CA1: variants seen among roughly 807,000 people sequenced by gnomAD.
CA1 encodes the protein carbonic anhydrase 1, also known as carbonate dehydratase I.
CA1 carries 27 observed loss-of-function variants against 28.8 expected under a neutral mutation model. The ratio of observed to expected loss-of-function variants is 0.94; its 90% CI spans 0.69 to 1.29. The LOEUF (loss-of-function observed/expected upper bound fraction) is 1.29. CA1 is among the 50% of genes most tolerant of loss of function. The pLI, the probability that CA1 is intolerant of heterozygous loss-of-function variation, is 0.00. For synonymous variants in CA1, 121 were observed against 108.8 expected, an observed-to-expected ratio of 1.11 and a Z score of -0.70; for missense variants, 335 against 310.5, an observed-to-expected ratio of 1.08 and a Z score of -0.59.
At chr8:85,361,056 A>C (rs540562621) in intron 1 of CA1, among the ~76,000 whole-genome samples, 1 of 152,240 alleles carries the variant, frequency 6.6e-6, no homozygotes, top group African/African-American at 2.4e-5. Context: ...AAAACTCCCC[A>C]AAACTGAGAA....
At chr8:85,354,095 C>G (rs994372430) in intron 1 of CA1, among the ~76,000 whole-genome samples, 16 of 151,398 alleles carry the variant, frequency 1.1e-4, no homozygotes, top group South Asian at 2.1e-4. Flanking sequence ...TCCCGAGTAG[C>G]TGGGATTACA....
intron 1 of CA1, among the ~76,000 whole-genome samples, chr8:85,362,316 G>A (rs765338380): frequency 2.0e-5 from 3 of 152,172 alleles, no homozygotes; most frequent in Non-Finnish European, 4.4e-5. Flanking sequence ...AATCACATCT[G>A]TGAAGTCCCT....
chr8:85,352,540 A>G (rs187750365), intron 1 of CA1, among the ~76,000 whole-genome samples: 15 of 152,070 alleles, frequency 9.9e-5, no homozygotes, highest in East Asian at 5.8e-4. Context: ...CAGTTTTCCA[A>G]TCTAGACTGT....
chr8:85,332,299 A>T, intron 6 of CA1, 191 bp downstream of exon 6: 1 of 570,554 alleles, frequency 1.8e-6, no homozygotes, highest in Non-Finnish European at 3.2e-6. Flanking sequence ...TATGAAAAAC[A>T]GAAAACCAAA....
At position 85,327,829 on chromosome 8, in the gene CA1, T is replaced by G. The variant is rs1808238559; in HGVS notation, c.*731A>C. ...CTTCTTTAGCATTTTTATAAACCAT[T>G]CACTTGTGACTTTTCTTCCAATTTT... On this transcript the variant is annotated 3_prime_UTR_variant, in exon 8 of 8. Transcript: ENST00000523022. 2 of 152,196 alleles carry G rather than the reference T, an allele frequency of 1.3e-5. No homozygotes were observed. Among genetic ancestry groups the G allele is most frequent in the Non-Finnish European group, 2.9e-5 (2 of 68,028 alleles). 9.4% of individuals were successfully genotyped at this position (152,196 alleles called of 1,614,324 possible). A position where few individuals can be genotyped will look rare whatever the true frequency, so the allele number is the denominator to read the frequency against.
chr8:85,327,641 A>T lies in CA1; in HGVS notation c.*919T>A, dbSNP rs552807760. 1 of 152,308 alleles carries T rather than the reference A, an allele frequency of 6.6e-6. No homozygotes were observed. The highest frequency in any genetic ancestry group is 2.1e-4 in the South Asian group (1 of 4,806). The allele number at this position is 152,308 out of a possible 1,614,324, so 9.4% of individuals were successfully genotyped here. ...ACTCCACCCTGACTGGCAGAGTGAG[A>T]CCTTGTCTCAAAAAACAAACAAACA... On this transcript the variant is annotated 3_prime_UTR_variant, in exon 8 of 8. Coordinates refer to ENST00000523022, the MANE Select transcript of CA1 (RefSeq NM_001128831.4).
At chr8:85,376,656 CAAAA>C (rs1187094771) in intron 1 of CA1, among the ~76,000 whole-genome samples, 2 of 120,262 alleles carry the variant, frequency 1.7e-5, no homozygotes, top group Admixed American at 8.8e-5. Context: ...GAAATTGTCT[CAAAA>C]ATAAATAAAT....
At chr8:85,338,817 G>A (rs572108950) in intron 2 of CA1, among the ~76,000 whole-genome samples, 18 of 149,686 alleles carry the variant, frequency 1.2e-4, no homozygotes, top group South Asian at 4.3e-4. Context: ...AAGCTCAAGC[G>A]ATTCTCATGC....
intron 1 of CA1, among the ~76,000 whole-genome samples, chr8:85,343,519 C>T (rs963239189): frequency 6.6e-6 from 1 of 152,176 alleles, no homozygotes; most frequent in Non-Finnish European, 1.5e-5. Flanking sequence ...GCTTACTTCA[C>T]TCCGGAAGCT....
chr8:85,372,205 A>T (rs13270905), intron 1 of CA1, among the ~76,000 whole-genome samples: 1 of 152,188 alleles, frequency 6.6e-6, no homozygotes, highest in Non-Finnish European at 1.5e-5. Context: ...AGACGCGAGC[A>T]CAGAGAAGAC....
intron 1 of CA1, among the ~76,000 whole-genome samples, chr8:85,345,482 A>G (rs1809141201): frequency 6.6e-6 from 1 of 152,188 alleles, no homozygotes; most frequent in South Asian, 2.1e-4. Context: ...TGGCATCTCT[A>G]TGATATGATA....
intron 1 of CA1, among the ~76,000 whole-genome samples, chr8:85,361,177 C>A (rs762590591): frequency 2.0e-5 from 3 of 152,156 alleles, no homozygotes; most frequent in Non-Finnish European, 2.9e-5. Context: ...TCTGCTCAGA[C>A]ACTCTCAAGG....
chr8:85,341,858 A>G, intron 1 of CA1, 199 bp from the exon 2 acceptor site: 1 of 473,494 alleles, frequency 2.1e-6, no homozygotes, highest in Non-Finnish European at 3.7e-6. Flanking sequence ...GTTAGTTTCA[A>G]TTGCTTAATT....
chr8:85,338,877 C>A (rs2130195093), intron 2 of CA1, among the ~76,000 whole-genome samples: 1 of 151,844 alleles, frequency 6.6e-6, no homozygotes, highest in East Asian at 1.9e-4. Flanking sequence ...CCATGCCTGG[C>A]CAATTTTTTT....
At chr8:85,364,966 C>T (rs777333407) in intron 1 of CA1, among the ~76,000 whole-genome samples, 3 of 151,964 alleles carry the variant, frequency 2.0e-5, no homozygotes, top group African/African-American at 4.8e-5. Context: ...CAACAGCTGC[C>T]GCTTGGCTCT....
At chr8:85,365,695 T>C (rs1230904999) in intron 1 of CA1, among the ~76,000 whole-genome samples, 1 of 152,196 alleles carries the variant, frequency 6.6e-6, no homozygotes, top group Non-Finnish European at 1.5e-5. Context: ...TAGCCTGGGC[T>C]TGTTAATTTA....
chr8:85,328,519 G>A lies in CA1; in HGVS notation c.*41C>T. The A allele has an allele frequency of 9.8e-7, 1 of 1,020,176 alleles. No homozygotes were observed. The highest frequency in any genetic ancestry group is 1.6e-6 in the Non-Finnish European group (1 of 639,956). The allele number at this position is 1,020,176 out of a possible 1,614,324, so 63.2% of individuals were successfully genotyped here. On this transcript the variant is annotated 3_prime_UTR_variant, in exon 8 of 8. Transcript: ENST00000523022. ...TTTTACTGGATTATGTCAGAAGCAG[G>A]GCTGTGTTCTTGAGGAAGGACAAGT...
At position 85,328,683 on chromosome 8, in the gene CA1, G is replaced by A. The variant is rs1585908811; in HGVS notation, c.670-7C>T. 2 of 1,549,858 alleles carry A rather than the reference G, an allele frequency of 1.3e-6. No homozygotes were observed. The highest frequency in any genetic ancestry group is 1.7e-5 in the Admixed American group (1 of 59,550). On this transcript the variant is annotated splice_region_variant and splice_polypyrimidine_tract_variant and intron_variant, in intron 7 of 7. Transcript: ENST00000523022. ...GGCTGCGGAATTGTGCCAGCTAGAA[G>A]GATAAAATATTTTAAAAATAAAAAG... is the stretch of plus-strand genomic sequence containing the variant.
Position 85,372,546 on chromosome 8 carries a change from A to G in CA1, c.-25+5500T>C, listed in dbSNP as rs145470914. On this transcript the variant is annotated intron_variant, in intron 1 of 7. Transcript: ENST00000523022. ...TGTATTCATAGCAGTGTTATTCACAATATTCCAAAGGTGGAAACAAACCCA... is the reference window on the plus strand; with the variant it reads ...TGTATTCATAGCAGTGTTATTCACAGTATTCCAAAGGTGGAAACAAACCCA... Among the ~76,000 whole-genome samples the G allele has an allele frequency of 4.4e-3, 677 of 152,290 alleles. 6 individuals are homozygous for G. Among genetic ancestry groups the G allele is most frequent in the African/African-American group, 0.015 (638 of 41,562 alleles).
Sources: gnomAD v4.1 joint callset for allele counts (sites outside exome capture counted in the v4.1 genomes callset) on GRCh38, gnomAD v4.1.1 for gene constraint, MANE v1.5 for transcripts, NCBI Gene and HGNC (gene_info 2026-07-23, HGNC 2026-07-21) for gene names.